HS6ST3: variants seen among roughly 807,000 people sequenced by gnomAD.
The protein encoded by HS6ST3 is heparan-sulfate 6-O-sulfotransferase 3.
HS6ST3 carries 12 observed loss-of-function variants against 36.7 expected under a neutral mutation model. The ratio of observed to expected loss-of-function variants is 0.33; its 90% CI spans 0.21 to 0.53. HS6ST3 has a LOEUF of 0.53. Ranked by LOEUF, HS6ST3 falls within the 20% of genes least tolerant of loss-of-function variation. The pLI is 0.95. For synonymous variants in HS6ST3, 240 were observed against 257.5 expected (o/e 0.93, Z 0.65); for missense variants, 584 against 640.9 (o/e 0.91, Z 0.96).
rs537839404 is a variant in HS6ST3 at position 96,317,326 on chromosome 13, TTA to T, written c.707+225798_707+225799del. ...CTTTTTATGGCTGTGTAGTATTCCA[TTA>T]TATATATATATATATATATATATAT... is the stretch of plus-strand genomic sequence containing the variant. On this transcript the variant is annotated intron_variant, in intron 1 of 1. Coordinates refer to ENST00000376705, the MANE Select transcript of HS6ST3 (RefSeq NM_153456.4). Among the ~76,000 whole-genome samples, 858 of 96,694 alleles carry T rather than the reference TTA, an allele frequency of 8.9e-3. 3 individuals carry two copies. Among genetic ancestry groups the T allele is most frequent in the Admixed American group, 0.027 (178 of 6,638 alleles). 63.4% of individuals were successfully genotyped at this position (96,694 alleles called of 152,430 possible). A position where few individuals can be genotyped will look rare whatever the true frequency, so the allele number is the denominator to read the frequency against.
chr13:96,095,097 A>G (rs1245067798), intron 1 of HS6ST3, among the ~76,000 whole-genome samples: 1 of 152,234 alleles, frequency 6.6e-6, no homozygotes, highest in African/African-American at 2.4e-5. Flanking sequence ...AAAAAGGTGA[A>G]ATGATATACC....
chr13:96,832,107 G>A (rs1878810822), intron 1 of HS6ST3, among the ~76,000 whole-genome samples: 1 of 152,076 alleles, frequency 6.6e-6, no homozygotes, highest in South Asian at 2.1e-4. Context: ...TTTGCTGTAA[G>A]GATCAAATGA....
intron 1 of HS6ST3, among the ~76,000 whole-genome samples, chr13:96,318,037 G>A (rs1325377375): frequency 6.6e-6 from 1 of 152,094 alleles, no homozygotes; most frequent in African/African-American, 2.4e-5. Context: ...TTGGCGTGCA[G>A]AAGCTCTTTA....
intron 1 of HS6ST3, among the ~76,000 whole-genome samples, chr13:96,195,145 A>T (rs1215661110): frequency 6.6e-6 from 1 of 152,146 alleles, no homozygotes; most frequent in Admixed American, 6.5e-5. Flanking sequence ...AGTTTCAAGG[A>T]TTTTCTTTTT....
chr13:96,412,266 G>A (rs1291834273), intron 1 of HS6ST3, among the ~76,000 whole-genome samples: 1 of 152,108 alleles, frequency 6.6e-6, no homozygotes, highest in East Asian at 1.9e-4. Context: ...GCCTCCCAAA[G>A]TGCTGGGATT....
At chr13:96,387,302 G>A (rs1157499529) in intron 1 of HS6ST3, among the ~76,000 whole-genome samples, 2 of 152,158 alleles carry the variant, frequency 1.3e-5, no homozygotes, top group East Asian at 3.8e-4. Flanking sequence ...AAGATAATCA[G>A]GAGTGTGGTG....
chr13:96,750,869 A>G (rs144969903), intron 1 of HS6ST3, among the ~76,000 whole-genome samples: 31 of 152,350 alleles, frequency 2.0e-4, no homozygotes, highest in African/African-American at 2.4e-4. Context: ...TTTAGTTTCA[A>G]CATGAAAAGA....
At chr13:96,597,256 G>T (rs2138979661) in intron 1 of HS6ST3, among the ~76,000 whole-genome samples, 1 of 151,860 alleles carries the variant, frequency 6.6e-6, no homozygotes, top group Non-Finnish European at 1.5e-5. Context: ...TTAGTACCTG[G>T]GTGATTAAAT....
chr13:96,564,831 G>T (rs912336195), intron 1 of HS6ST3, among the ~76,000 whole-genome samples: 1 of 152,128 alleles, frequency 6.6e-6, no homozygotes, highest in Non-Finnish European at 1.5e-5. Flanking sequence ...TAAAACACTC[G>T]TAGTAACTAA....
At chr13:96,167,023 C>A (rs1594701479) in intron 1 of HS6ST3, among the ~76,000 whole-genome samples, 1 of 152,250 alleles carries the variant, frequency 6.6e-6, no homozygotes, top group East Asian at 1.9e-4. Flanking sequence ...GAGGCCTCAC[C>A]AGTCATGCTG....
intron 1 of HS6ST3, among the ~76,000 whole-genome samples, chr13:96,197,933 C>T (rs574696256): frequency 4.5e-4 from 68 of 152,326 alleles, no homozygotes; most frequent in African/African-American, 1.6e-3. Flanking sequence ...CGCTCTGACC[C>T]CACATTTCTC....
intron 1 of HS6ST3, among the ~76,000 whole-genome samples, chr13:96,265,527 C>A (rs1160842480): frequency 6.6e-6 from 1 of 152,040 alleles, no homozygotes; most frequent in Non-Finnish European, 1.5e-5. Flanking sequence ...TTGTAACACT[C>A]CAGCTATTTT....
chr13:96,385,415 A>T (rs1020211985), intron 1 of HS6ST3, among the ~76,000 whole-genome samples: 6 of 152,164 alleles, frequency 3.9e-5, no homozygotes, highest in Non-Finnish European at 5.9e-5. Flanking sequence ...ACATGTTAAA[A>T]TCACACTGGA....
At chr13:96,721,298 T>C (rs1875840925) in intron 1 of HS6ST3, among the ~76,000 whole-genome samples, 1 of 152,180 alleles carries the variant, frequency 6.6e-6, no homozygotes. Context: ...GGTAAGCCAG[T>C]GATTTGTGTT....
rs1359711241 is a variant in HS6ST3 at position 96,833,661 on chromosome 13, C to T, written c.*463C>T. 1 of 156,816 alleles carries T rather than the reference C, an allele frequency of 6.4e-6. No individual in the cohort carries two copies. Among genetic ancestry groups the T allele is most frequent in the East Asian group, 1.9e-4 (1 of 5,272 alleles). 9.7% of individuals were successfully genotyped at this position (156,816 alleles called of 1,614,324 possible). A position where few individuals can be genotyped will look rare whatever the true frequency, so the allele number is the denominator to read the frequency against. On this transcript the variant is annotated 3_prime_UTR_variant, in exon 2 of 2. Coordinates refer to ENST00000376705, the MANE Select transcript of HS6ST3 (RefSeq NM_153456.4). ...AGAGAGAAAGAGAAAAACATTTCAG[C>T]CCTTAGATGAGGTCTTACACCAACC...
At chr13:96,448,701 A>G (rs908311014) in intron 1 of HS6ST3, among the ~76,000 whole-genome samples, 3 of 152,040 alleles carry the variant, frequency 2.0e-5, no homozygotes, top group Non-Finnish European at 4.4e-5. Context: ...GCTGAACTCC[A>G]GAGGGCCTCC....
chr13:96,796,087 C>A (rs1295484068), intron 1 of HS6ST3, among the ~76,000 whole-genome samples: 2 of 152,084 alleles, frequency 1.3e-5, no homozygotes, highest in Non-Finnish European at 2.9e-5. Context: ...TGTCTGTTAC[C>A]TTTCAGAAGC....
intron 1 of HS6ST3, among the ~76,000 whole-genome samples, chr13:96,154,112 G>A (rs1461014634): frequency 6.6e-6 from 1 of 151,974 alleles, no homozygotes; most frequent in Non-Finnish European, 1.5e-5. Flanking sequence ...TGATTTTTCA[G>A]TGAAATGAGG....
chr13:96,732,879 C>T (rs1205925255), intron 1 of HS6ST3, among the ~76,000 whole-genome samples: 10 of 151,836 alleles, frequency 6.6e-5, no homozygotes, highest in Admixed American at 2.0e-4. Flanking sequence ...AAATTTATTC[C>T]GAAGTATTTT....
Sources: allele counts gnomAD v4.1 joint callset (sites outside exome capture counted in the v4.1 genomes callset), GRCh38; gene constraint gnomAD v4.1.1; transcripts MANE v1.5; gene names NCBI Gene and HGNC (gene_info 2026-07-23, HGNC 2026-07-21).